ANK1: variants seen among roughly 807,000 people sequenced by gnomAD.
The protein encoded by ANK1 is ankyrin 1.
In ANK1, 51 loss-of-function variants were observed where a neutral mutation model predicts 210.4. That is an observed-to-expected ratio of 0.24 (90% CI 0.19 to 0.31). The LOEUF is 0.31. Ranked by LOEUF, ANK1 falls within the 10% of genes least tolerant of loss-of-function variation. ANK1 has a pLI of 1.00. For missense variants in ANK1, 2,051 were observed against 2,504.4 expected (o/e 0.82, Z 3.86); for synonymous variants, 967 against 1,025.9 (o/e 0.94, Z 1.10).
At chr8:41,893,929 G>A (rs978482253) in intron 1 of ANK1, among the ~76,000 whole-genome samples, 4 of 152,096 alleles carry the variant, frequency 2.6e-5, no homozygotes. Flanking sequence ...GTTAGCCCTA[G>A]GCCCTCTGCC....
At position 41,797,476 on chromosome 8, in the gene ANK1, T is replaced by C; in HGVS notation, c.27+36A>G. The C allele has an allele frequency of 6.2e-7, 1 of 1,600,258 alleles. No homozygotes were observed. Among genetic ancestry groups the C allele is most frequent in the East Asian group, 2.2e-5 (1 of 44,698 alleles). On this transcript the variant is annotated intron_variant, in intron 1 of 42. Transcript: ENST00000289734. The surrounding 1 kb of genome is among the most constrained non-coding windows in gnomAD (Gnocchi z 4.0). ...CGGCCTGGGTGGCCCCCTCCTGACA[T>C]CTCCCCGTCCACCCGAGCAGCCGCC...
At chr8:41,812,585 A>C (rs1462447273) in intron 1 of ANK1, among the ~76,000 whole-genome samples, 2 of 152,220 alleles carry the variant, frequency 1.3e-5, no homozygotes, top group African/African-American at 4.8e-5. Flanking sequence ...TTCCTTGACA[A>C]AAAGACAGCT....
intron 1 of ANK1, among the ~76,000 whole-genome samples, chr8:41,864,389 C>T (rs372494468): frequency 7.2e-5 from 11 of 152,170 alleles, no homozygotes; most frequent in South Asian, 4.2e-4. Context: ...TTTGATTGGC[C>T]GGTGGGATGT....
At chr8:41,828,794 G>C (rs916602316) in intron 1 of ANK1, 1 of 152,288 alleles carries the variant, frequency 6.6e-6, no homozygotes, top group Non-Finnish European at 1.5e-5. Context: ...TCATTTTCCT[G>C]AAGATTTTCC....
chr8:41,763,881 C>CT (rs1554605131), intron 1 of ANK1, among the ~76,000 whole-genome samples: 749 of 71,412 alleles, frequency 0.01, 28 homozygotes, highest in South Asian at 0.016. Context: ...TTCTTTTTTT[C>CT]TTTTTTTCTT....
At chr8:41,781,067 C>T (rs762284754) in intron 1 of ANK1, among the ~76,000 whole-genome samples, 12 of 152,198 alleles carry the variant, frequency 7.9e-5, no homozygotes, top group Non-Finnish European at 1.6e-4. Context: ...AGAGAAACGT[C>T]TCTGCCTGGT....
At chr8:41,842,522 C>G (rs1410178688) in intron 1 of ANK1, among the ~76,000 whole-genome samples, 1 of 152,078 alleles carries the variant, frequency 6.6e-6, no homozygotes, top group Non-Finnish European at 1.5e-5. Context: ...TGGAATGAAG[C>G]CCTGGCTCTG....
At chr8:41,718,036 C>A (rs572454490) in intron 11 of ANK1, 70 bp downstream of exon 11, 1 of 1,458,092 alleles carries the variant, frequency 6.9e-7, no homozygotes, top group Non-Finnish European at 9.5e-7. Context: ...CTACAAAGAG[C>A]GACTCTTGGA....
intron 1 of ANK1, among the ~76,000 whole-genome samples, chr8:41,872,980 T>C (rs1026984597): frequency 6.6e-6 from 1 of 152,186 alleles, no homozygotes; most frequent in African/African-American, 2.4e-5. Flanking sequence ...TATTAAATCC[T>C]CAATCCTCTT....
rs1174841046 is a variant in ANK1 at position 41,703,442 on chromosome 8, A to T, written c.2295+599T>A. 2.3e-3 allele frequency among the ~76,000 whole-genome samples: 156 copies of T among 66,594 alleles called. 3 individuals are homozygous for T. The highest frequency in any genetic ancestry group is 9.7e-3 in the African/African-American group (151 of 15,616). The allele number at this position is 66,594 out of a possible 152,430, so 43.7% of individuals were successfully genotyped here. On this transcript the variant is annotated intron_variant, in intron 20 of 42. Transcript: ENST00000289734. ...TGTGTGTATATATATATATATATATATATATATATTTTTTTTTTTTTTTTA... is the reference window on the plus strand; with the variant it reads ...TGTGTGTATATATATATATATATATTTATATATATTTTTTTTTTTTTTTTA...
intron 13 of ANK1, 97 bp downstream of exon 13, chr8:41,716,856 C>T: frequency 4.0e-6 from 5 of 1,253,062 alleles, no homozygotes; most frequent in Non-Finnish European, 4.7e-6. Context: ...CCCCAGGCCA[C>T]AGCACTGCAG....
intron 12 of ANK1, 122 bp from the exon 13 acceptor site, chr8:41,717,173 C>CTGCTGGGGCAACT: frequency 1.0e-6 from 1 of 979,866 alleles, no homozygotes; most frequent in Non-Finnish European, 1.6e-6. Context: ...GTGGAGTTGC[C>CTGCTGGGGCAACT]CCAGCAGGCA....
chr8:41,845,262 G>C (rs1436667101), intron 1 of ANK1, among the ~76,000 whole-genome samples: 1 of 151,962 alleles, frequency 6.6e-6, no homozygotes, highest in Non-Finnish European at 1.5e-5. Context: ...GCGTGTGCCT[G>C]TAGACCCAGC....
chr8:41,660,621 C>G, intron 42 of ANK1: 1 of 438,818 alleles, frequency 2.3e-6, no homozygotes, highest in Non-Finnish European at 4.6e-6. Context: ...CGGCACGGCA[C>G]GGCATGCCCC....
intron 20 of ANK1, among the ~76,000 whole-genome samples, chr8:41,703,450 A>ATATATTTTTTTTTTTTTT (rs59985416): frequency 1.7e-5 from 1 of 58,828 alleles, no homozygotes; most frequent in African/African-American, 9.0e-5. Flanking sequence ...ATATATATAT[A>ATATATTTTTTTTTTTTTT]TTTTTTTTTT....
At chr8:41,845,490 G>C (rs527477991) in intron 1 of ANK1, among the ~76,000 whole-genome samples, 163 of 152,076 alleles carry the variant, frequency 1.1e-3, no homozygotes, top group African/African-American at 3.7e-3. Flanking sequence ...GTGGTCTCGC[G>C]GGGCACAGTG....
chr8:41,663,281 G>A (rs986393086), intron 40 of ANK1, among the ~76,000 whole-genome samples: 13 of 151,998 alleles, frequency 8.6e-5, no homozygotes, highest in East Asian at 1.9e-4. Flanking sequence ...CAGCACACCC[G>A]GCCCACATTC....
At chr8:41,803,604 C>T (rs560129412) in intron 1 of ANK1, among the ~76,000 whole-genome samples, 1 of 151,306 alleles carries the variant, frequency 6.6e-6, no homozygotes, top group African/African-American at 2.4e-5. Flanking sequence ...TATTTTTGAA[C>T]GGAAACAGTG....
In ANK1 at chr8:41,668,341, CGGCCTG is replaced by C. The variant is rs1423860511; in HGVS notation, c.5314_5319del (p.Gln1772_Ala1773del). The C allele has an allele frequency of 1.9e-6, 3 of 1,614,112 alleles. No homozygotes were observed. In the African/African-American group the frequency reaches 4.0e-5, roughly 22 times the overall value. ...TGGCCTTGCTGCCTCCGGTCCCTGT[CGGCCTG>C]GGAGCTCTCAGCCTCGGGCTGTTCT... On this transcript the variant is annotated inframe_deletion, in exon 39 of 43. Transcript: ENST00000289734.
Sources: allele counts gnomAD v4.1 joint callset (sites outside exome capture counted in the v4.1 genomes callset), GRCh38; gene constraint gnomAD v4.1.1; non-coding constraint Gnocchi (gnomAD v3.1); transcripts MANE v1.5; gene names NCBI Gene and HGNC (gene_info 2026-07-23, HGNC 2026-07-21).